Variants in TTC28 observed in about 807,000 individuals in gnomAD.
The protein encoded by TTC28 is tetratricopeptide repeat domain 28, also known as tetratricopeptide repeat protein 28.
Under a neutral mutation model 198.0 loss-of-function variants are expected in TTC28, and 61 were observed. The ratio of observed to expected loss-of-function variants is 0.31; its 90% CI spans 0.25 to 0.38. TTC28 has a LOEUF of 0.38. TTC28 is among the 10% of genes least tolerant of loss of function. TTC28 has a pLI of 1.00. For missense variants in TTC28, 2,678 were observed against 3,164.0 expected (o/e 0.85, Z 3.69); for synonymous variants, 1,171 against 1,297.8 (o/e 0.90, Z 2.10).
intron 6 of TTC28, among the ~76,000 whole-genome samples, chr22:28,154,517 A>G (rs930068973): frequency 1.3e-5 from 2 of 151,644 alleles, no homozygotes; most frequent in Non-Finnish European, 2.9e-5. Flanking sequence ...CGCCCAGCTA[A>G]TTTTTTCTTT....
intron 2 of TTC28, among the ~76,000 whole-genome samples, chr22:28,314,383 CAA>C (rs1395755575): frequency 6.6e-6 from 1 of 151,998 alleles, no homozygotes; most frequent in East Asian, 1.9e-4. Flanking sequence ...CATATGGAAC[CAA>C]AAAAGAGCCC....
chr22:28,184,183 AT>A, intron 5 of TTC28, among the ~76,000 whole-genome samples: 1 of 152,206 alleles, frequency 6.6e-6, no homozygotes, highest in Non-Finnish European at 1.5e-5. Context: ...AGAGCTTAGA[AT>A]TGTGTCTGAC....
At chr22:28,662,273 C>A (rs921591560) in intron 1 of TTC28, among the ~76,000 whole-genome samples, 9 of 152,150 alleles carry the variant, frequency 5.9e-5, no homozygotes, top group African/African-American at 1.9e-4. Flanking sequence ...TTTCTGGCAA[C>A]AAGTCTAGCG....
chr22:27,981,953 A>AAGGT lies in TTC28; in HGVS notation c.*264_*267dup. 1 of 387,942 alleles carries AAGGT rather than the reference A, an allele frequency of 2.6e-6. No homozygotes were observed. Among genetic ancestry groups the AAGGT allele is most frequent in the East Asian group, 3.9e-5 (1 of 25,576 alleles). The allele number at this position is 387,942 out of a possible 1,614,324, so 24.0% of individuals were successfully genotyped here. A position where few individuals can be genotyped will look rare whatever the true frequency, so the allele number is the denominator to read the frequency against. ...TCAAAGATGAGAAGCAGGGAGTTCA[A>AAGGT]AGGTAAACAAACATTTGGTGAAGTG... On this transcript the variant is annotated 3_prime_UTR_variant, in exon 23 of 23. Transcript: ENST00000397906.
At chr22:28,205,467 C>A (rs1433202952) in intron 5 of TTC28, among the ~76,000 whole-genome samples, 1 of 152,080 alleles carries the variant, frequency 6.6e-6, no homozygotes, top group Admixed American at 6.6e-5. Flanking sequence ...ACTGCCCATA[C>A]TCCAGGGTCA....
intron 2 of TTC28, among the ~76,000 whole-genome samples, chr22:28,396,648 C>T (rs191469052): frequency 6.6e-6 from 1 of 152,184 alleles, no homozygotes; most frequent in Admixed American, 6.5e-5. Context: ...ACCCACAGCT[C>T]TAAAAGGCAA....
At chr22:28,283,373 C>T (rs1292452716) in intron 5 of TTC28, among the ~76,000 whole-genome samples, 1 of 151,918 alleles carries the variant, frequency 6.6e-6, no homozygotes, top group Non-Finnish European at 1.5e-5. Context: ...ATGGATTTCA[C>T]GTTAGCATTA....
chr22:28,428,049 C>A (rs959468015), intron 2 of TTC28, among the ~76,000 whole-genome samples: 1 of 143,864 alleles, frequency 7.0e-6, no homozygotes. Flanking sequence ...GAAGAAAAAA[C>A]AAATTAATAT....
At position 28,258,102 on chromosome 22, in the gene TTC28, G is replaced by C. The variant is rs147667644; in HGVS notation, c.933+38096C>G. Among the ~76,000 whole-genome samples, 11 of 152,126 alleles carry C rather than the reference G, an allele frequency of 7.2e-5. No homozygotes were observed. The East Asian group carries it at 2.1e-3, about 29-fold the overall frequency. On this transcript the variant is annotated intron_variant, in intron 5 of 22. Coordinates refer to ENST00000397906, the MANE Select transcript of TTC28 (RefSeq NM_001145418.2). ...AATTTTATAAACATACTATAGTTGGGATACTGAAGTGGTGAACATTACTTA... is the reference window on the plus strand; with the variant it reads ...AATTTTATAAACATACTATAGTTGGCATACTGAAGTGGTGAACATTACTTA...
chr22:28,163,542 G>A lies in TTC28; in HGVS notation c.991C>T (p.Pro331Ser). Reference protein sequence around the residue: ...GHVYTAIGDYPNALASHKQCV... With the variant: ...GHVYTAIGDYSNALASHKQCV... ...TGTTTGTGACTGGCCAGTGCATTGG[G>A]GTAGTCTCCAATGGCTGTGTACACG... The change falls in exon 6 of 23, where the codon CCC (proline) becomes TCC (serine). Residue 331 changes from proline to serine, a missense_variant. Coordinates refer to ENST00000397906, the MANE Select transcript of TTC28 (RefSeq NM_001145418.2). 1 of 1,551,498 alleles carries A rather than the reference G, an allele frequency of 6.4e-7. No individual in the cohort carries two copies. Among genetic ancestry groups the A allele is most frequent in the Non-Finnish European group, 8.7e-7 (1 of 1,146,922 alleles).
chr22:28,449,058 A>T (rs183026368), intron 2 of TTC28, among the ~76,000 whole-genome samples: 41 of 152,328 alleles, frequency 2.7e-4, no homozygotes, highest in Non-Finnish European at 5.1e-4. Flanking sequence ...AGCAGCTAAC[A>T]CTGACTGATC....
At chr22:28,590,034 C>CAAAAAAAAAAAAAAAA (rs71194779) in intron 2 of TTC28, among the ~76,000 whole-genome samples, 97 of 68,028 alleles carry the variant, frequency 1.4e-3, no homozygotes, top group African/African-American at 2.3e-3. Flanking sequence ...AAGACTCCAT[C>CAAAAAAAAAAAAAAAA]AAAAAAAAAA....
At chr22:28,375,976 C>T (rs893520783) in intron 2 of TTC28, among the ~76,000 whole-genome samples, 3 of 152,158 alleles carry the variant, frequency 2.0e-5, no homozygotes, top group Admixed American at 1.3e-4. Flanking sequence ...ATTATTACAC[C>T]ATTGGCTGCC....
At chr22:28,662,458 G>A (rs2051763829) in intron 1 of TTC28, among the ~76,000 whole-genome samples, 1 of 152,144 alleles carries the variant, frequency 6.6e-6, no homozygotes, top group Non-Finnish European at 1.5e-5. Flanking sequence ...TAACCTCTCT[G>A]TACTACACTT....
intron 5 of TTC28, among the ~76,000 whole-genome samples, chr22:28,240,064 C>T (rs1047161062): frequency 9.2e-5 from 14 of 152,336 alleles, no homozygotes; most frequent in African/African-American, 3.1e-4. Context: ...ATGAATCTGA[C>T]TGTATTTCAA....
chr22:27,982,188 G>A lies in TTC28; in HGVS notation c.*33C>T. 4 of 1,455,604 alleles carry A rather than the reference G, an allele frequency of 2.7e-6. No individual in the cohort carries two copies. In the South Asian group the frequency reaches 5.9e-5, roughly 22 times the overall value. The allele number at this position is 1,455,604 out of a possible 1,614,324, so 90.2% of individuals were successfully genotyped here. The stretch of plus-strand genomic sequence containing the variant: ...AGCAAACGCCAGGCCCCCATCTGCA[G>A]GCTGCTCAGAGTCAGTGGGTATAAA... On this transcript the variant is annotated 3_prime_UTR_variant, in exon 23 of 23. Transcript: ENST00000397906. The surrounding 1 kb of genome is among the most constrained non-coding windows in gnomAD (Gnocchi z 5.2).
At chr22:28,212,099 C>A (rs1260214450) in intron 5 of TTC28, among the ~76,000 whole-genome samples, 1 of 152,050 alleles carries the variant, frequency 6.6e-6, no homozygotes, top group African/African-American at 2.4e-5. Flanking sequence ...ACACAACATG[C>A]CAGAATCTCT....
intron 3 of TTC28, among the ~76,000 whole-genome samples, chr22:28,300,500 A>T (rs1258870977): frequency 6.6e-6 from 1 of 152,226 alleles, no homozygotes; most frequent in East Asian, 1.9e-4. Flanking sequence ...CTAGATGAAA[A>T]TGAAACTGAT....
At chr22:28,362,434 T>C (rs921843073) in intron 2 of TTC28, among the ~76,000 whole-genome samples, 2 of 152,192 alleles carry the variant, frequency 1.3e-5, no homozygotes, top group African/African-American at 4.8e-5. Flanking sequence ...TTGCCCAGTC[T>C]TGGGTATGTC....
Sources: gnomAD v4.1 joint callset for allele counts (sites outside exome capture counted in the v4.1 genomes callset) on GRCh38, gnomAD v4.1.1 for gene constraint, Gnocchi (gnomAD v3.1) non-coding constraint, MANE v1.5 for transcripts, NCBI Gene and HGNC (gene_info 2026-07-23, HGNC 2026-07-21) for gene names.